The following NUP93 variants were observed in gnomAD, a reference collection of about 807,000 sequenced individuals.
The protein encoded by NUP93 is nuclear pore complex protein Nup93.
A neutral mutation model predicts 107.8 loss-of-function variants in NUP93; 55 were observed. The ratio of observed to expected loss-of-function variants is 0.51; its 90% CI spans 0.41 to 0.64. The LOEUF (loss-of-function observed/expected upper bound fraction) is 0.64. Among genes scored for constraint, NUP93 ranks in the 30% least tolerant of loss-of-function variants. NUP93 has a pLI of 0.00. For missense variants in NUP93, 937 were observed against 1,044.7 expected (o/e 0.90, Z 1.42); for synonymous variants, 390 against 397.5 (o/e 0.98, Z 0.22).
intron 8 of NUP93, among the ~76,000 whole-genome samples, chr16:56,828,735 A>G (rs2144624991): frequency 6.6e-6 from 1 of 152,330 alleles, no homozygotes; most frequent in African/African-American, 2.4e-5. Flanking sequence ...TGAAGTCCAC[A>G]GTTGTGTTCC....
rs781755184 is a variant in NUP93, at chr16:56,839,569, G to T, written c.2185G>T (p.Glu729Ter). ...LVPLNQESVEERVAAFRNFSD... is the reference protein window; with the variant it reads ...LVPLNQESVE Reference sequence around the variant, plus strand: ...GCCCCTGAATCAGGAAAGTGTGGAAGAGAGAGTGGCTGCCTTCAGAAATTT... The same window carrying T: ...GCCCCTGAATCAGGAAAGTGTGGAATAGAGAGTGGCTGCCTTCAGAAATTT... The change falls in exon 20 of 22, where the codon GAG becomes TAG. Residue 729 changes from glutamate (E) to a stop codon, truncating the protein, a stop_gained. Transcript: ENST00000308159. LOFTEE classifies it high-confidence loss of function. 10 of 1,613,990 alleles carry T rather than the reference G, an allele frequency of 6.2e-6. No individual in the cohort carries two copies. Among genetic ancestry groups the T allele is most frequent in the African/African-American group, 1.3e-5 (1 of 74,920 alleles).
At chr16:56,795,460 C>T (rs1962875881) in intron 3 of NUP93, among the ~76,000 whole-genome samples, 1 of 152,066 alleles carries the variant, frequency 6.6e-6, no homozygotes, top group South Asian at 2.1e-4. Context: ...CTGCCCCCTT[C>T]TGAATGAACC....
At chr16:56,741,766 A>G (rs1256850878) in intron 1 of NUP93, 1 of 152,232 alleles carries the variant, frequency 6.6e-6, no homozygotes, top group Non-Finnish European at 1.5e-5. Flanking sequence ...AGTGCTAACA[A>G]CTGTCTTTTT....
chr16:56,733,131 C>T (rs1292121132), intron 1 of NUP93, among the ~76,000 whole-genome samples: 1 of 151,972 alleles, frequency 6.6e-6, no homozygotes, highest in African/African-American at 2.4e-5. Flanking sequence ...AACAGGCACC[C>T]CAAAGAATAG....
At chr16:56,830,463 TAGCAC>T in intron 9 of NUP93, 60 bp from the exon 10 acceptor site, 1 of 1,464,420 alleles carries the variant, frequency 6.8e-7, no homozygotes, top group East Asian at 2.3e-5. Flanking sequence ...AGCTCGGTTT[TAGCAC>T]ATATGAAAGC....
At chr16:56,753,973 ATT>A (rs568049501) in intron 2 of NUP93, among the ~76,000 whole-genome samples, 1 of 146,532 alleles carries the variant, frequency 6.8e-6, no homozygotes, top group African/African-American at 2.5e-5. Context: ...TACTATTTTA[ATT>A]TTTTTTTTTT....
chr16:56,814,811 T>C (rs1445636436), intron 5 of NUP93, among the ~76,000 whole-genome samples: 9 of 152,228 alleles, frequency 5.9e-5, no homozygotes, highest in African/African-American at 2.2e-4. Flanking sequence ...CCTGCTCCTG[T>C]CATCTTGTCC....
At chr16:56,755,708 C>G (rs1405645985) in intron 2 of NUP93, among the ~76,000 whole-genome samples, 1 of 152,032 alleles carries the variant, frequency 6.6e-6, no homozygotes, top group Non-Finnish European at 1.5e-5. Context: ...AACCCTGTCT[C>G]TAGTGAAAAT....
chr16:56,833,863 C>G (rs1313466954), intron 13 of NUP93, among the ~76,000 whole-genome samples: 10 of 152,130 alleles, frequency 6.6e-5, no homozygotes, highest in African/African-American at 2.4e-4. Context: ...AGAGCACATG[C>G]CATAATCGTC....
At chr16:56,844,127 G>A (rs890334242) in intron 21 of NUP93, among the ~76,000 whole-genome samples, 5 of 152,326 alleles carry the variant, frequency 3.3e-5, no homozygotes, top group South Asian at 2.1e-4. Context: ...AAAGCAGATG[G>A]ACAGAAACCA....
intron 5 of NUP93, among the ~76,000 whole-genome samples, chr16:56,817,288 G>A (rs1167449016): frequency 1.3e-5 from 2 of 152,136 alleles, no homozygotes; most frequent in Non-Finnish European, 2.9e-5. Flanking sequence ...ACACTCCAGT[G>A]TTCATTCTCC....
intron 1 of NUP93, among the ~76,000 whole-genome samples, chr16:56,743,783 C>T (rs2144448069): frequency 6.6e-6 from 1 of 152,296 alleles, no homozygotes; most frequent in African/African-American, 2.4e-5. Context: ...ACCAATCCTG[C>T]CTTCTAACAG....
In NUP93 at chr16:56,827,965, C is replaced by T. The variant is rs150322624; in HGVS notation, c.795-1012C>T. Among the ~76,000 whole-genome samples the T allele has an allele frequency of 3.0e-3, 456 of 152,142 alleles. 1 individual carries two copies. Among genetic ancestry groups the T allele is most frequent in the African/African-American group, 9.5e-3 (394 of 41,508 alleles). On this transcript the variant is annotated intron_variant, in intron 8 of 21. Coordinates refer to ENST00000308159, the MANE Select transcript of NUP93 (RefSeq NM_014669.5). Reference sequence around the variant, plus strand: ...TGAAACCCCATCTCTACTAAAAACACGAAAATTAGCTGGGCGTGGTGGCCC... The same window carrying T: ...TGAAACCCCATCTCTACTAAAAACATGAAAATTAGCTGGGCGTGGTGGCCC...
chr16:56,758,897 A>G (rs1379684517), intron 3 of NUP93, among the ~76,000 whole-genome samples: 1 of 152,216 alleles, frequency 6.6e-6, no homozygotes, highest in Non-Finnish European at 1.5e-5. Flanking sequence ...TTAGATTATT[A>G]TAATTAGGAG....
At chr16:56,745,162 G>A (rs1359785241) in intron 1 of NUP93, among the ~76,000 whole-genome samples, 2 of 152,188 alleles carry the variant, frequency 1.3e-5, no homozygotes, top group Non-Finnish European at 2.9e-5. Context: ...AGTGACAGGT[G>A]AGCCGAAACA....
rs115405313 is a variant in NUP93, at chr16:56,805,434, T to A, written c.361-70T>A. ...GTTGGTCTGGAGGGCTTTAGGTTTC[T>A]GTTGGGTCTTAAACCATGTTTTTTT... On this transcript the variant is annotated intron_variant, in intron 4 of 21. Coordinates refer to ENST00000308159, the MANE Select transcript of NUP93 (RefSeq NM_014669.5). 3,286 of 1,572,014 alleles carry A rather than the reference T, an allele frequency of 2.1e-3. 62 individuals are homozygous for A. The African/African-American group carries it at 0.04, about 19-fold the overall frequency.
At chr16:56,835,056 A>G (rs1283146927) in intron 16 of NUP93, among the ~76,000 whole-genome samples, 1 of 152,206 alleles carries the variant, frequency 6.6e-6, no homozygotes, top group Non-Finnish European at 1.5e-5. Context: ...TGAGCTGAGA[A>G]TGCTATTATA....
intron 3 of NUP93, among the ~76,000 whole-genome samples, chr16:56,776,677 C>T (rs1962422061): frequency 6.6e-6 from 1 of 152,188 alleles, no homozygotes; most frequent in African/African-American, 2.4e-5. Flanking sequence ...ACCACCATCC[C>T]CCATGTAATG....
rs779801592 is a variant in NUP93, at chr16:56,834,135, C to T, written c.1545C>T (p.His515=). ...CTGACCCCCACAATGCAGTCAGCCACGAGCCTGGTGACCCTCCTTGCTTGC... is the reference window on the plus strand; with the variant it reads ...CTGACCCCCACAATGCAGTCAGCCATGAGCCTGGTGACCCTCCTTGCTTGC... ...SSGQSAQLLS[H]EPGDPPCLRR... The change falls in exon 14 of 22, where the codon CAC becomes CAT. Residue 515 remains histidine (H), a synonymous_variant. Coordinates refer to ENST00000308159, the MANE Select transcript of NUP93 (RefSeq NM_014669.5). The T allele has an allele frequency of 1.1e-5, 17 of 1,614,012 alleles. No homozygotes were observed. The highest frequency in any genetic ancestry group is 8.3e-5 in the Admixed American group (5 of 59,984).
Sources: allele counts gnomAD v4.1 joint callset (sites outside exome capture counted in the v4.1 genomes callset), GRCh38; gene constraint gnomAD v4.1.1; transcripts MANE v1.5; gene names NCBI Gene and HGNC (gene_info 2026-07-23, HGNC 2026-07-21).